The following AGBL4 variants were observed in gnomAD, a reference collection of about 807,000 sequenced individuals.
AGBL4 encodes AGBL carboxypeptidase 4, also known as cytosolic carboxypeptidase 6.
A neutral mutation model predicts 66.4 loss-of-function variants in AGBL4; 58 were observed. That is an observed-to-expected ratio of 0.87 (90% CI 0.71 to 1.09). The LOEUF (loss-of-function observed/expected upper bound fraction) is 1.09, where lower values mean the gene tolerates loss of function less well. Among genes scored for constraint, AGBL4 ranks in the 50% least tolerant of loss-of-function variants. The probability of loss-of-function intolerance (pLI) is 0.00; values close to 1 mark genes in which losing one functional copy is unlikely to be tolerated. For missense variants in AGBL4, 579 were observed against 631.0 expected, an observed-to-expected ratio of 0.92 and a Z score of 0.88; for synonymous variants, 234 against 222.9, an observed-to-expected ratio of 1.05 and a Z score of -0.44.
At chr1:48,522,839 T>A in the AGBL4 span, among the ~76,000 whole-genome samples, 1 of 150,786 alleles carries the variant, frequency 6.6e-6, no homozygotes, top group Non-Finnish European at 1.5e-5. Context: ...GGCAGAAGAA[T>A]CGCTTGAACC....
chr1:48,992,602 C>G (rs1330246918), intron 5 of AGBL4, among the ~76,000 whole-genome samples: 1 of 152,138 alleles, frequency 6.6e-6, no homozygotes, highest in Non-Finnish European at 1.5e-5. Context: ...GTTCCTCCCA[C>G]AACCCTTGGT....
intron 3 of AGBL4, among the ~76,000 whole-genome samples, chr1:49,252,641 G>A (rs373885207): frequency 1.3e-5 from 2 of 152,134 alleles, no homozygotes; most frequent in Admixed American, 6.5e-5. Context: ...AAAGAAAAAT[G>A]TTAAAGGCAG....
chr1:49,152,774 C>T (rs1027194396), intron 4 of AGBL4, among the ~76,000 whole-genome samples: 1 of 152,096 alleles, frequency 6.6e-6, no homozygotes. Flanking sequence ...TGGCCATATG[C>T]CAAGAAGCTA....
chr1:49,073,503 G>T (rs1192831493), intron 4 of AGBL4, among the ~76,000 whole-genome samples: 2 of 152,056 alleles, frequency 1.3e-5, no homozygotes, highest in African/African-American at 4.8e-5. Context: ...TAACAGTCAG[G>T]CTCCTCAGCT....
intron 4 of AGBL4, among the ~76,000 whole-genome samples, chr1:49,126,767 T>G: frequency 6.6e-6 from 1 of 152,154 alleles, no homozygotes; most frequent in Non-Finnish European, 1.5e-5. Flanking sequence ...ATGATTTTCC[T>G]AAGATCATTT....
intron 2 of AGBL4, among the ~76,000 whole-genome samples, chr1:49,811,703 C>T (rs1451445238): frequency 1.3e-5 from 2 of 152,106 alleles, no homozygotes; most frequent in Non-Finnish European, 2.9e-5. Context: ...AATCCTCCTG[C>T]ATCAGCCTCC....
intron 2 of AGBL4, among the ~76,000 whole-genome samples, chr1:49,760,730 A>T (rs1652244097): frequency 6.6e-6 from 1 of 152,216 alleles, no homozygotes; most frequent in Non-Finnish European, 1.5e-5. Flanking sequence ...AAGTATGTTT[A>T]TTGCAGCACT....
chr1:49,258,194 C>G (rs1184907709), intron 3 of AGBL4, among the ~76,000 whole-genome samples: 1 of 152,080 alleles, frequency 6.6e-6, no homozygotes, highest in East Asian at 1.9e-4. Flanking sequence ...CATAAAACCA[C>G]AAAGATGAGG....
intron 4 of AGBL4, among the ~76,000 whole-genome samples, chr1:49,081,374 C>T (rs1644805855): frequency 6.6e-6 from 1 of 152,150 alleles, no homozygotes; most frequent in Non-Finnish European, 1.5e-5. Context: ...GTCTCTGAGC[C>T]TCAGTTTCTT....
At chr1:48,821,324 C>T (rs1395852081) in intron 6 of AGBL4, among the ~76,000 whole-genome samples, 1 of 152,078 alleles carries the variant, frequency 6.6e-6, no homozygotes, top group African/African-American at 2.4e-5. Flanking sequence ...TTCACAATTG[C>T]AAAGTCATGG....
At chr1:49,610,065 C>T (rs1204076452) in intron 3 of AGBL4, among the ~76,000 whole-genome samples, 1 of 151,296 alleles carries the variant, frequency 6.6e-6, no homozygotes, top group Non-Finnish European at 1.5e-5. Flanking sequence ...CAAATGCAGG[C>T]AATAGAAAAT....
In AGBL4 at chr1:48,921,806, C is replaced by CACAGCCAT. The variant is rs1390244168; in HGVS notation, c.595-54584_595-54577dup. Among the ~76,000 whole-genome samples the CACAGCCAT allele has an allele frequency of 1.1e-4, 16 of 152,322 alleles. 1 individual carries two copies. The East Asian group carries it at 3.1e-3, about 29-fold the overall frequency. ...ATTCAAACTCAGATCCGTCTGGCTT[C>CACAGCCAT]ACAGCCATACAGCCATTCAACATTA... is the stretch of plus-strand genomic sequence containing the variant. On this transcript the variant is annotated intron_variant, in intron 5 of 13. Transcript: ENST00000371839.
chr1:48,608,914 T>G (rs1390224108), intron 9 of AGBL4, among the ~76,000 whole-genome samples: 1 of 152,198 alleles, frequency 6.6e-6, no homozygotes, highest in African/African-American at 2.4e-5. Context: ...TAAAAAGATT[T>G]GCATGCAATA....
At chr1:49,444,278 A>G (rs1646102239) in intron 3 of AGBL4, among the ~76,000 whole-genome samples, 2 of 152,048 alleles carry the variant, frequency 1.3e-5, no homozygotes, top group African/African-American at 2.4e-5. Context: ...GCCAGTTGGT[A>G]TAAGCTCCAG....
At chr1:48,716,291 T>A (rs1647049587) in intron 6 of AGBL4, among the ~76,000 whole-genome samples, 1 of 152,132 alleles carries the variant, frequency 6.6e-6, no homozygotes, top group Non-Finnish European at 1.5e-5. Context: ...GACTTCCCAG[T>A]CCATGAAGTT....
intron 11 of AGBL4, among the ~76,000 whole-genome samples, chr1:48,551,984 C>T (rs924695856): frequency 5.9e-5 from 9 of 152,142 alleles, no homozygotes; most frequent in Non-Finnish European, 1.0e-4. Flanking sequence ...ATGAGATAAC[C>T]TTGGTGGGTA....
intron 4 of AGBL4, among the ~76,000 whole-genome samples, chr1:49,058,338 T>C (rs1644342639): frequency 6.6e-6 from 1 of 152,162 alleles, no homozygotes; most frequent in Non-Finnish European, 1.5e-5. Context: ...CTGCTGTTCT[T>C]GTGATAGTGA....
chr1:49,105,998 C>G (rs189412675), intron 4 of AGBL4, among the ~76,000 whole-genome samples: 2 of 152,268 alleles, frequency 1.3e-5, no homozygotes, highest in Non-Finnish European at 1.5e-5. Flanking sequence ...GAGCTAATAT[C>G]ATTTCTTAAG....
intron 3 of AGBL4, among the ~76,000 whole-genome samples, chr1:49,650,998 A>G (rs1571250710): frequency 6.6e-6 from 1 of 152,284 alleles, no homozygotes; most frequent in East Asian, 1.9e-4. Context: ...GGCATGGGCC[A>G]TCTGCCCTCC....
Sources: gnomAD v4.1 joint callset for allele counts (sites outside exome capture counted in the v4.1 genomes callset) on GRCh38, gnomAD v4.1.1 for gene constraint, MANE v1.5 for transcripts, NCBI Gene and HGNC (gene_info 2026-07-23, HGNC 2026-07-21) for gene names.